Variants in TMEM178B observed in about 807,000 individuals in gnomAD.
TMEM178B encodes the protein transmembrane protein 178B.
Under a neutral mutation model 31.0 loss-of-function variants are expected in TMEM178B, and 5 were observed. That is an observed-to-expected ratio of 0.16 (90% CI 0.08 to 0.34). The LOEUF is 0.34. TMEM178B is among the 10% of genes least tolerant of loss of function. The pLI is 1.00. For synonymous variants in TMEM178B, 164 were observed against 164.0 expected (o/e 1.00, Z 0.00); for missense variants, 275 against 400.3 (o/e 0.69, Z 2.67).
At chr7:141,493,964 A>G in the TMEM178B span, among the ~76,000 whole-genome samples, 1 of 152,158 alleles carries the variant, frequency 6.6e-6, no homozygotes, top group South Asian at 2.1e-4. Context: ...ATCTCATGTG[A>G]TATTAGAGCC....
chr7:141,423,790 T>C (rs1015430387), intron 2 of TMEM178B, among the ~76,000 whole-genome samples: 6 of 151,186 alleles, frequency 4.0e-5, no homozygotes, highest in African/African-American at 1.5e-4. Flanking sequence ...AGAAGATTTC[T>C]ATAGTGACAT....
intron 2 of TMEM178B, among the ~76,000 whole-genome samples, chr7:141,219,545 C>G (rs1797220989): frequency 6.6e-6 from 1 of 152,158 alleles, no homozygotes; most frequent in African/African-American, 2.4e-5. Context: ...AGCAAGAAGA[C>G]TCAGCCAACA....
chr7:141,135,707 C>T (rs544751839), intron 1 of TMEM178B, among the ~76,000 whole-genome samples: 2 of 151,978 alleles, frequency 1.3e-5, no homozygotes, highest in African/African-American at 2.4e-5. Flanking sequence ...CACAGCATAC[C>T]CAAACCTATG....
chr7:141,459,281 G>A (rs1802021420), intron 3 of TMEM178B, among the ~76,000 whole-genome samples: 1 of 152,164 alleles, frequency 6.6e-6, no homozygotes, highest in Non-Finnish European at 1.5e-5. Context: ...CACCGCCTCG[G>A]CCTCCCAAAG....
chr7:141,442,213 A>G (rs1001789844), intron 3 of TMEM178B, among the ~76,000 whole-genome samples: 1 of 151,970 alleles, frequency 6.6e-6, no homozygotes, highest in African/African-American at 2.4e-5. Flanking sequence ...CTACCCCATC[A>G]AGACCCCTCT....
intron 1 of TMEM178B, among the ~76,000 whole-genome samples, chr7:141,089,106 G>C (rs1406417286): frequency 6.6e-6 from 1 of 152,210 alleles, no homozygotes; most frequent in Non-Finnish European, 1.5e-5. Context: ...GTCTCAAAAG[G>C]GAGGGAAACA....
At position 141,121,288 on chromosome 7, in the gene TMEM178B, A is replaced by G. The variant is rs76573562; in HGVS notation, c.382+46596A>G. ...AAATCTTTTGCTTAGCTTTTTATCT[A>G]TCTATGGCTAAATTTTCCCAAAGAG... On this transcript the variant is annotated intron_variant, in intron 1 of 3. Coordinates refer to ENST00000565468, the MANE Select transcript of TMEM178B (RefSeq NM_001195278.2). Among the ~76,000 whole-genome samples, 24 of 152,258 alleles carry G rather than the reference A, an allele frequency of 1.6e-4. No homozygotes were observed. In the East Asian group the frequency reaches 4.6e-3, roughly 29 times the overall value.
rs546439974 is a variant in TMEM178B at position 141,342,921 on chromosome 7, C to T, written c.497-94687C>T. ...AACTTCCTGTCATTATTTTGTTTTC[C>T]ATTGCTCATGTCTAGCTGCGCCTCT... On this transcript the variant is annotated intron_variant, in intron 2 of 3. Coordinates refer to ENST00000565468, the MANE Select transcript of TMEM178B (RefSeq NM_001195278.2). Among the ~76,000 whole-genome samples the T allele has an allele frequency of 7.9e-5, 12 of 152,266 alleles. No homozygotes were observed. In the South Asian group the frequency reaches 2.5e-3, roughly 32 times the overall value.
intron 1 of TMEM178B, among the ~76,000 whole-genome samples, chr7:141,201,823 G>A (rs111334959): frequency 0.031 from 4,652 of 152,294 alleles, 201 homozygotes; most frequent in African/African-American, 0.096. Context: ...ACTCTGATAA[G>A]AGCAGTAGAG....
chr7:141,423,804 T>TG (rs1213638930), intron 2 of TMEM178B, among the ~76,000 whole-genome samples: 2 of 131,928 alleles, frequency 1.5e-5, no homozygotes, highest in Non-Finnish European at 3.3e-5. Context: ...GTGACATTTG[T>TG]GTTTTTTTTT....
At chr7:141,152,055 G>C (rs1199532699) in intron 1 of TMEM178B, among the ~76,000 whole-genome samples, 1 of 152,214 alleles carries the variant, frequency 6.6e-6, no homozygotes, top group African/African-American at 2.4e-5. Context: ...AGTGGCCAGT[G>C]AGTTGCCCTA....
intron 1 of TMEM178B, among the ~76,000 whole-genome samples, chr7:141,138,934 A>C (rs1273426746): frequency 6.6e-6 from 1 of 151,884 alleles, no homozygotes; most frequent in Non-Finnish European, 1.5e-5. Context: ...CAGTGAGCTG[A>C]GATCGCGCCA....
chr7:141,493,137 AC>A, the TMEM178B span, among the ~76,000 whole-genome samples: 2 of 151,970 alleles, frequency 1.3e-5, no homozygotes, highest in Non-Finnish European at 2.9e-5. Flanking sequence ...CCCAGAATCC[AC>A]CTGAGTCCTC....
At chr7:141,499,982 A>AT in the TMEM178B span, among the ~76,000 whole-genome samples, 6 of 151,918 alleles carry the variant, frequency 3.9e-5, no homozygotes, top group African/African-American at 1.2e-4. Context: ...AGCACAAAGC[A>AT]TTTTTTTTCT....
At chr7:141,444,429 C>A (rs1008081120) in intron 3 of TMEM178B, among the ~76,000 whole-genome samples, 2 of 152,170 alleles carry the variant, frequency 1.3e-5, no homozygotes, top group Admixed American at 6.5e-5. Context: ...CAGTAAAATA[C>A]CCCATCTTAT....
At chr7:141,321,894 A>G (rs2190111) in intron 2 of TMEM178B, among the ~76,000 whole-genome samples, 50,423 of 151,708 alleles carry the variant, frequency 0.33, 10,789 homozygotes, top group African/African-American at 0.6. Flanking sequence ...AGGACCCAGG[A>G]GGCTTGTATT....
chr7:141,443,931 A>G (rs1016767097), intron 3 of TMEM178B, among the ~76,000 whole-genome samples: 2 of 152,200 alleles, frequency 1.3e-5, no homozygotes, highest in Admixed American at 1.3e-4. Flanking sequence ...TCTCATTGGT[A>G]CAGCTTTGGC....
At chr7:141,278,535 A>G (rs960373499) in intron 2 of TMEM178B, among the ~76,000 whole-genome samples, 15 of 75,428 alleles carry the variant, frequency 2.0e-4, no homozygotes, top group South Asian at 8.5e-4. Flanking sequence ...GCGAGCCAAG[A>G]TTGTGCCATG....
chr7:141,416,059 G>C (rs1801090185), intron 2 of TMEM178B: 1 of 152,692 alleles, frequency 6.5e-6, no homozygotes, highest in South Asian at 2.1e-4. Context: ...TAAGATCTGA[G>C]AGCCAGAAGG....
Sources: gnomAD v4.1 joint callset for allele counts (sites outside exome capture counted in the v4.1 genomes callset) on GRCh38, gnomAD v4.1.1 for gene constraint, MANE v1.5 for transcripts, NCBI Gene and HGNC (gene_info 2026-07-23, HGNC 2026-07-21) for gene names.